NELL1: variants seen among roughly 807,000 people sequenced by gnomAD.
NELL1 encodes the protein neural EGFL like 1.
NELL1 carries 76 observed loss-of-function variants against 107.4 expected under a neutral mutation model. That is an observed-to-expected ratio of 0.71 (90% CI 0.59 to 0.86). The LOEUF (loss-of-function observed/expected upper bound fraction) is 0.86. NELL1 is among the 40% of genes least tolerant of loss of function. The pLI is 0.00. For missense variants in NELL1, 1,024 were observed against 1,005.5 expected (o/e 1.02, Z -0.25); for synonymous variants, 353 against 341.2 (o/e 1.03, Z -0.38).
intron 3 of NELL1, among the ~76,000 whole-genome samples, chr11:20,815,500 A>G (rs1857605166): frequency 6.6e-6 from 1 of 151,978 alleles, no homozygotes; most frequent in African/African-American, 2.4e-5. Context: ...CCATTTCTTA[A>G]ATGGGGTTGT....
chr11:21,232,158 A>T (rs1476122891), intron 14 of NELL1, among the ~76,000 whole-genome samples: 38 of 55,190 alleles, frequency 6.9e-4, no homozygotes, highest in Middle Eastern at 9.3e-3. Context: ...AAAAAAAAAA[A>T]AATATATATA....
At chr11:20,874,615 T>C (rs1305096771) in intron 4 of NELL1, among the ~76,000 whole-genome samples, 1 of 152,222 alleles carries the variant, frequency 6.6e-6, no homozygotes, top group Non-Finnish European at 1.5e-5. Flanking sequence ...TTATAAATTT[T>C]GAGACAGTGC....
chr11:21,337,252 T>C lies in NELL1; in HGVS notation c.1550-33601T>C, dbSNP rs554955291. 7.9e-5 allele frequency among the ~76,000 whole-genome samples: 12 copies of C among 152,280 alleles called. No individual in the cohort carries two copies. The South Asian group carries it at 2.3e-3, about 29-fold the overall frequency. On this transcript the variant is annotated intron_variant, in intron 14 of 19. Transcript: ENST00000357134. The stretch of plus-strand genomic sequence containing the variant: ...AAACTGGGTTCTTTTTGTTTTTTCT[T>C]CTATGATGAAAAATAATGTAGGAAC...
At chr11:21,031,223 A>G (rs1454928541) in intron 12 of NELL1, among the ~76,000 whole-genome samples, 1 of 152,218 alleles carries the variant, frequency 6.6e-6, no homozygotes. Context: ...ACATATTTAG[A>G]TCATTTTCAA....
chr11:21,054,881 C>T, intron 12 of NELL1, among the ~76,000 whole-genome samples: 1 of 151,978 alleles, frequency 6.6e-6, no homozygotes, highest in East Asian at 1.9e-4. Flanking sequence ...CATGAATTGT[C>T]AGACATTTTT....
At chr11:21,506,684 C>A (rs1436088092) in intron 15 of NELL1, among the ~76,000 whole-genome samples, 2 of 152,114 alleles carry the variant, frequency 1.3e-5, no homozygotes, top group African/African-American at 4.8e-5. Flanking sequence ...AAATACCTAC[C>A]AGCCTAAATC....
At chr11:20,870,698 T>C (rs1311005851) in intron 4 of NELL1, among the ~76,000 whole-genome samples, 1 of 152,242 alleles carries the variant, frequency 6.6e-6, no homozygotes. Context: ...ACAATAACTT[T>C]TTGATTAAAC....
In NELL1 at chr11:21,299,451, T is replaced by C. The variant is rs563365031; in HGVS notation, c.1549+69997T>C. On this transcript the variant is annotated intron_variant, in intron 14 of 19. Transcript: ENST00000357134. The stretch of plus-strand genomic sequence containing the variant: ...ATTGACTTTTCATGGGAAAAAGTAG[T>C]CCTGATTAGATATTGCCTGTGTCTG... Among the ~76,000 whole-genome samples the C allele has an allele frequency of 9.9e-5, 15 of 151,698 alleles. No individual in the cohort carries two copies. The East Asian group carries it at 2.1e-3, about 22-fold the overall frequency.
intron 16 of NELL1, among the ~76,000 whole-genome samples, chr11:21,540,642 G>T (rs977680513): frequency 1.3e-5 from 2 of 151,570 alleles, no homozygotes; most frequent in African/African-American, 4.9e-5. Flanking sequence ...CATGGCTGGA[G>T]CTGGAGGAAG....
chr11:21,176,557 A>G (rs1856716708), intron 13 of NELL1, among the ~76,000 whole-genome samples: 2 of 151,814 alleles, frequency 1.3e-5, no homozygotes, highest in South Asian at 4.1e-4. Context: ...TTGCTATTGA[A>G]TAGTCACTAT....
intron 12 of NELL1, among the ~76,000 whole-genome samples, chr11:21,043,739 T>C (rs1336475519): frequency 6.6e-6 from 1 of 152,090 alleles, no homozygotes; most frequent in Non-Finnish European, 1.5e-5. Flanking sequence ...GGAAAGTGAA[T>C]GAGTTTGAGA....
intron 15 of NELL1, among the ~76,000 whole-genome samples, chr11:21,397,421 A>T (rs1852005933): frequency 6.6e-6 from 1 of 151,686 alleles, no homozygotes; most frequent in African/African-American, 2.4e-5. Flanking sequence ...AAAAAAGAAA[A>T]TTAAAATTAC....
In NELL1 at chr11:20,691,678, T is replaced by C. The variant is rs566087482; in HGVS notation, c.184+13618T>C. Among the ~76,000 whole-genome samples, 872 of 151,400 alleles carry C rather than the reference T, an allele frequency of 5.8e-3. 3 individuals carry two copies. Among genetic ancestry groups the C allele is most frequent in the African/African-American group, 0.02 (830 of 40,826 alleles). ...AAGCTTTTTGATGTGCTGCTGGATTTGGTTTGCCAGTATTTTATTGAGGAT... is the reference window on the plus strand; with the variant it reads ...AAGCTTTTTGATGTGCTGCTGGATTCGGTTTGCCAGTATTTTATTGAGGAT... On this transcript the variant is annotated intron_variant, in intron 2 of 19. Coordinates refer to ENST00000357134, the MANE Select transcript of NELL1 (RefSeq NM_006157.5).
intron 3 of NELL1, among the ~76,000 whole-genome samples, chr11:20,796,643 T>A (rs1857174170): frequency 1.3e-5 from 2 of 152,330 alleles, no homozygotes; most frequent in East Asian, 3.9e-4. Context: ...GAGTTAGGAC[T>A]ATGATCCGAG....
chr11:21,496,411 T>TA (rs1431468596), intron 15 of NELL1, among the ~76,000 whole-genome samples: 1 of 149,484 alleles, frequency 6.7e-6, no homozygotes, highest in Non-Finnish European at 1.5e-5. Context: ...TTCTCTTGTT[T>TA]TTTTTTTTTT....
chr11:21,289,796 G>A (rs1306995602), intron 14 of NELL1, among the ~76,000 whole-genome samples: 1 of 152,210 alleles, frequency 6.6e-6, no homozygotes, highest in Admixed American at 6.5e-5. Flanking sequence ...GAATGCTTGA[G>A]CTTGGTGGAG....
chr11:20,835,868 G>T (rs992487937), intron 3 of NELL1, among the ~76,000 whole-genome samples: 2 of 152,100 alleles, frequency 1.3e-5, no homozygotes, highest in Non-Finnish European at 2.9e-5. Context: ...TTTCGGTTCA[G>T]TGATGAGCTT....
intron 13 of NELL1, among the ~76,000 whole-genome samples, chr11:21,178,595 C>T (rs1856759180): frequency 1.3e-5 from 2 of 151,310 alleles, no homozygotes; most frequent in South Asian, 2.1e-4. Flanking sequence ...AGTGAAACCT[C>T]ATCTCTACAA....
At chr11:20,824,614 T>C (rs1269912541) in intron 3 of NELL1, among the ~76,000 whole-genome samples, 1 of 151,246 alleles carries the variant, frequency 6.6e-6, no homozygotes, top group African/African-American at 2.4e-5. Context: ...GACAATGAAG[T>C]CGAGGCTGGG....
Sources: allele counts gnomAD v4.1 joint callset (sites outside exome capture counted in the v4.1 genomes callset), GRCh38; gene constraint gnomAD v4.1.1; transcripts MANE v1.5; gene names NCBI Gene and HGNC (gene_info 2026-07-23, HGNC 2026-07-21).